DST: variants seen among roughly 807,000 people sequenced by gnomAD.
DST encodes the protein dystonin, also known as bullous pemphigoid antigen.
In DST, 253 loss-of-function variants were observed where a neutral mutation model predicts 875.2. That is an observed-to-expected ratio of 0.29 (90% CI 0.26 to 0.32). The LOEUF (loss-of-function observed/expected upper bound fraction) is 0.32, where lower values mean the gene tolerates loss of function less well. Among genes scored for constraint, DST ranks in the 10% least tolerant of loss-of-function variants. DST has a pLI of 1.00. For synonymous variants in DST, 3,124 were observed against 3,197.1 expected (o/e 0.98, Z 0.77); for missense variants, 8,287 against 9,111.6 (o/e 0.91, Z 3.68).
chr6:56,561,313 T>C lies in DST; in HGVS notation c.14305A>G (p.Asn4769Asp). The change falls in exon 57 of 104, where the codon AAT becomes GAT. Residue 4769 changes from asparagine to aspartate, a missense_variant. Asn to Asp is a conservative substitution (Grantham distance 23). Transcript: ENST00000680361. The part of the protein sequence containing the change: ...TEAVKTQVEQ[N>D]KSFEAELKQN... ...GGTGCACCCACAGAATATACCTTAT[T>C]CTGCTCAACTTGAGTCTTCACAGCT... is the stretch of plus-strand genomic sequence containing the variant. The C allele has an allele frequency of 6.2e-7, 1 of 1,611,936 alleles. No homozygotes were observed. Among genetic ancestry groups the C allele is most frequent in the Non-Finnish European group, 8.5e-7 (1 of 1,178,764 alleles).
intron 2 of DST, among the ~76,000 whole-genome samples, chr6:56,922,825 G>A (rs968906589): frequency 1.7e-4 from 26 of 152,084 alleles, no homozygotes; most frequent in African/African-American, 6.0e-4. Flanking sequence ...TTGTACAGCT[G>A]GTCAGATACA....
At chr6:56,642,146 C>G (rs1415096378) in intron 16 of DST, 45 bp from the exon 17 acceptor site, 1 of 1,473,074 alleles carries the variant, frequency 6.8e-7, no homozygotes, top group African/African-American at 1.4e-5. Flanking sequence ...AAACAAGTTT[C>G]AAAACAACCT....
chr6:56,536,235 TG>T (rs1171690260), intron 62 of DST, among the ~76,000 whole-genome samples: 1 of 152,244 alleles, frequency 6.6e-6, no homozygotes, highest in Non-Finnish European at 1.5e-5. Context: ...AGAAAAAGGT[TG>T]GACCTACATC....
chr6:56,598,781 TAA>T, intron 45 of DST, 72 bp from the exon 46 acceptor site: 1 of 913,286 alleles, frequency 1.1e-6, no homozygotes, highest in East Asian at 2.7e-5. Flanking sequence ...GTTGTAATTC[TAA>T]AAGACAGAGT....
At chr6:56,638,657 C>A (rs1419176381) in intron 22 of DST, among the ~76,000 whole-genome samples, 3 of 152,182 alleles carry the variant, frequency 2.0e-5, no homozygotes, top group Non-Finnish European at 4.4e-5. Context: ...ACTGCATAGG[C>A]AACCTGATAA....
At chr6:56,832,170 A>G (rs1201492020) in intron 4 of DST, among the ~76,000 whole-genome samples, 3 of 152,208 alleles carry the variant, frequency 2.0e-5, no homozygotes, top group African/African-American at 4.8e-5. Flanking sequence ...CATTATCTAT[A>G]GTAGTTAAAT....
chr6:56,938,108 C>CTCTCTCTATATATATATATATATATATA, intron 2 of DST, among the ~76,000 whole-genome samples: 1 of 120,754 alleles, frequency 8.3e-6, no homozygotes, highest in African/African-American at 3.5e-5. Context: ...CTCTCTCTCT[C>CTCTCTCTATATATATATATATATATATA]TATATATATA....
intron 4 of DST, among the ~76,000 whole-genome samples, chr6:56,769,254 A>G (rs2099643095): frequency 6.6e-6 from 1 of 152,210 alleles, no homozygotes; most frequent in Admixed American, 6.5e-5. Flanking sequence ...CACTATACAC[A>G]TCTATTGGAA....
chr6:56,717,161 C>G (rs2152903254), intron 5 of DST, among the ~76,000 whole-genome samples: 1 of 151,610 alleles, frequency 6.6e-6, no homozygotes, highest in South Asian at 2.1e-4. Context: ...CCAGCCTGTG[C>G]AACAGAGCGA....
intron 49 of DST, 108 bp from the exon 50 acceptor site, chr6:56,579,045 C>CT: frequency 1.0e-6 from 1 of 984,836 alleles, no homozygotes; most frequent in East Asian, 2.8e-5. Flanking sequence ...ACAGAATAAA[C>CT]TTTTCATCAT....
At chr6:56,917,663 TC>T (rs1214474555) in intron 2 of DST, among the ~76,000 whole-genome samples, 1 of 152,220 alleles carries the variant, frequency 6.6e-6, no homozygotes, top group African/African-American at 2.4e-5. Context: ...TGTTGACTTT[TC>T]CCAGTAGACT....
intron 99 of DST, 51 bp from the exon 100 acceptor site, chr6:56,464,807 G>T: frequency 7.2e-7 from 1 of 1,382,548 alleles, no homozygotes; most frequent in Non-Finnish European, 1.0e-6. Flanking sequence ...ACTGTTAGCA[G>T]AAGAAGAAAC....
chr6:56,938,330 C>T (rs553212606), intron 2 of DST, among the ~76,000 whole-genome samples: 1 of 151,896 alleles, frequency 6.6e-6, no homozygotes, highest in African/African-American at 2.4e-5. Flanking sequence ...CACTATGTTG[C>T]CCAGACTGGT....
intron 4 of DST, among the ~76,000 whole-genome samples, chr6:56,758,778 C>CT (rs70989729): frequency 0.24 from 36,151 of 152,100 alleles, 5,672 homozygotes; most frequent in African/African-American, 0.44. Flanking sequence ...AGTCAAACTA[C>CT]TTTGTGGTAA....
At chr6:56,940,355 T>C (rs1038999258) in intron 2 of DST, among the ~76,000 whole-genome samples, 3 of 151,944 alleles carry the variant, frequency 2.0e-5, no homozygotes, top group Admixed American at 6.6e-5. Flanking sequence ...ATAAAATAAA[T>C]TGCACCCATC....
intron 45 of DST, 96 bp from the exon 46 acceptor site, chr6:56,598,805 G>A: frequency 1.5e-6 from 1 of 645,492 alleles, no homozygotes; most frequent in East Asian, 2.9e-5. Context: ...AGTACAGAGA[G>A]AGTCTAGTAT....
rs2099301468 is a variant in DST at position 56,701,031 on chromosome 6, G to A, written c.954+857C>T. Among the ~76,000 whole-genome samples the A allele has an allele frequency of 2.8e-5, 4 of 143,218 alleles. No homozygotes were observed. The South Asian group carries it at 8.8e-4, about 32-fold the overall frequency. 94.0% of individuals were successfully genotyped at this position (143,218 alleles called of 152,430 possible). A position where few individuals can be genotyped will look rare whatever the true frequency, so the allele number is the denominator to read the frequency against. On this transcript the variant is annotated intron_variant, in intron 8 of 103. Transcript: ENST00000680361. Reference sequence around the variant, plus strand: ...GTCTCATTCTGTTACCCCGGCTGGAGTGCAATATTGCAATCATGGCTCAAC... The same window carrying A: ...GTCTCATTCTGTTACCCCGGCTGGAATGCAATATTGCAATCATGGCTCAAC...
rs1168616923 is a variant in DST, at chr6:56,508,559, T to C, written c.19209A>G (p.Ser6403=). The C allele has an allele frequency of 1.2e-6, 2 of 1,613,898 alleles. No homozygotes were observed. Among genetic ancestry groups the C allele is most frequent in the South Asian group, 1.1e-5 (1 of 91,088 alleles). The stretch of plus-strand genomic sequence containing the variant: ...CTGCTTCTTGCTGTTGTTTTACTAC[T>C]GAAGGATCAATTCCAGGATCTTCCA... The part of the protein sequence containing the change: ...RDLEDPGIDP[S]VVKQQQEAAE... Residue 6403 remains serine, a synonymous_variant, in exon 75 of 104, where the codon TCA becomes TCG. Coordinates refer to ENST00000680361, the MANE Select transcript of DST (RefSeq NM_001374736.1).
At chr6:56,711,935 C>CA (rs2099365324) in intron 5 of DST, among the ~76,000 whole-genome samples, 3 of 151,028 alleles carry the variant, frequency 2.0e-5, no homozygotes, top group South Asian at 2.1e-4. Context: ...ACTAAAAATA[C>CA]AAAAAATTAG....
Sources: allele counts gnomAD v4.1 joint callset (sites outside exome capture counted in the v4.1 genomes callset), GRCh38; gene constraint gnomAD v4.1.1; transcripts MANE v1.5; gene names NCBI Gene and HGNC (gene_info 2026-07-23, HGNC 2026-07-21).